Variants in C8orf34 observed in about 807,000 individuals in gnomAD.
C8orf34 encodes the protein uncharacterized protein C8orf34.
C8orf34 carries 65 observed loss-of-function variants against 68.3 expected under a neutral mutation model. That is an observed-to-expected ratio of 0.95 (90% confidence interval 0.78 to 1.17). C8orf34 has a LOEUF of 1.17. C8orf34 is among the 50% of genes most tolerant of loss of function. C8orf34 has a pLI of 0.00. For missense variants in C8orf34, 664 were observed against 655.4 expected, an observed-to-expected ratio of 1.01 and a Z score of -0.14; for synonymous variants, 244 against 241.2, an observed-to-expected ratio of 1.01 and a Z score of -0.11.
At chr8:68,490,697 A>T (rs1250125966) in intron 5 of C8orf34, among the ~76,000 whole-genome samples, 1 of 152,148 alleles carries the variant, frequency 6.6e-6, no homozygotes, top group Non-Finnish European at 1.5e-5. Context: ...ACTTAAAAAA[A>T]ATTTCAGTGA....
At chr8:68,381,319 A>G (rs1369691293) in intron 1 of C8orf34, among the ~76,000 whole-genome samples, 1 of 152,216 alleles carries the variant, frequency 6.6e-6, no homozygotes, top group Non-Finnish European at 1.5e-5. Context: ...AGATGCTTAC[A>G]TCTCATATAT....
intron 2 of C8orf34, among the ~76,000 whole-genome samples, chr8:68,442,388 A>C (rs1227385944): frequency 1.3e-5 from 2 of 152,156 alleles, no homozygotes; most frequent in Non-Finnish European, 2.9e-5. Context: ...TTACTCTAGC[A>C]GTTCCCAGAA....
At chr8:68,389,345 G>A (rs928154338) in intron 1 of C8orf34, among the ~76,000 whole-genome samples, 1 of 152,060 alleles carries the variant, frequency 6.6e-6, no homozygotes, top group African/African-American at 2.4e-5. Flanking sequence ...TTGCATAGTT[G>A]CCAAGAGTTA....
At chr8:68,787,271 G>C (rs1823870316) in intron 11 of C8orf34, among the ~76,000 whole-genome samples, 172 bp from the exon 12 acceptor site, 2 of 152,074 alleles carry the variant, frequency 1.3e-5, no homozygotes, top group Non-Finnish European at 2.9e-5. Context: ...AGAGTTTGTA[G>C]TATGTCTATG....
chr8:68,701,242 C>T (rs1821007739), intron 8 of C8orf34, among the ~76,000 whole-genome samples: 2 of 152,008 alleles, frequency 1.3e-5, no homozygotes, highest in Admixed American at 6.6e-5. Context: ...TTTCCACCTA[C>T]CTCTCTACAC....
intron 7 of C8orf34, among the ~76,000 whole-genome samples, chr8:68,586,406 T>C (rs1817211245): frequency 6.6e-6 from 1 of 152,198 alleles, no homozygotes; most frequent in Admixed American, 6.5e-5. Context: ...GATTTCATTA[T>C]TAGTATTATC....
intron 7 of C8orf34, among the ~76,000 whole-genome samples, chr8:68,604,778 T>C (rs750700764): frequency 1.3e-5 from 2 of 152,000 alleles, no homozygotes; most frequent in Non-Finnish European, 2.9e-5. Flanking sequence ...GTAGAAAATC[T>C]AGATCACCTC....
intron 10 of C8orf34, among the ~76,000 whole-genome samples, chr8:68,723,711 T>G (rs149107215): frequency 1.1e-3 from 160 of 152,274 alleles, no homozygotes; most frequent in African/African-American, 3.5e-3. Context: ...GGCCTAAACA[T>G]ATACCATTAG....
chr8:68,660,534 A>G (rs921210813), intron 8 of C8orf34, among the ~76,000 whole-genome samples: 2 of 152,164 alleles, frequency 1.3e-5, no homozygotes, highest in Non-Finnish European at 2.9e-5. Flanking sequence ...TGCCATGGAT[A>G]CTAGCATGAC....
intron 7 of C8orf34, among the ~76,000 whole-genome samples, chr8:68,629,459 C>T (rs1818627007): frequency 6.6e-6 from 1 of 152,162 alleles, no homozygotes; most frequent in African/African-American, 2.4e-5. Flanking sequence ...TGCTTCCTGC[C>T]ACATCTCCCT....
At chr8:68,432,041 G>A (rs780767851) in intron 1 of C8orf34, among the ~76,000 whole-genome samples, 6 of 152,024 alleles carry the variant, frequency 3.9e-5, no homozygotes, top group Non-Finnish European at 5.9e-5. Flanking sequence ...TTCAAATCAG[G>A]AATGCAAAAG....
intron 10 of C8orf34, among the ~76,000 whole-genome samples, chr8:68,762,521 C>T (rs760878583): frequency 7.9e-5 from 12 of 152,182 alleles, no homozygotes; most frequent in Non-Finnish European, 1.5e-4. Flanking sequence ...AAATTTCTGG[C>T]TTTTAGATTC....
intron 3 of C8orf34, among the ~76,000 whole-genome samples, chr8:68,461,892 A>G (rs1811849414): frequency 6.6e-6 from 1 of 152,190 alleles, no homozygotes; most frequent in Non-Finnish European, 1.5e-5. Context: ...ACTAACGAGC[A>G]AAATAACAGC....
intron 1 of C8orf34, among the ~76,000 whole-genome samples, chr8:68,399,183 TTA>T (rs1249187647): frequency 6.6e-6 from 1 of 152,064 alleles, no homozygotes; most frequent in East Asian, 1.9e-4. Flanking sequence ...TTCTATAAGT[TTA>T]TGGGGGTACA....
At chr8:68,672,804 C>T (rs547274159) in intron 8 of C8orf34, among the ~76,000 whole-genome samples, 1 of 152,280 alleles carries the variant, frequency 6.6e-6, no homozygotes, top group South Asian at 2.1e-4. Flanking sequence ...TAAAGGAGTG[C>T]TTGCACTATT....
chr8:68,686,292 A>G (rs1820516409), intron 8 of C8orf34, among the ~76,000 whole-genome samples: 1 of 152,120 alleles, frequency 6.6e-6, no homozygotes, highest in South Asian at 2.1e-4. Context: ...TGAGGCCACT[A>G]TCACCCTAAT....
intron 1 of C8orf34, among the ~76,000 whole-genome samples, chr8:68,413,765 C>G (rs1053008586): frequency 6.6e-6 from 1 of 152,248 alleles, no homozygotes; most frequent in African/African-American, 2.4e-5. Context: ...CTATAGTTCA[C>G]TAGTTTCTGA....
Position 68,415,724 on chromosome 8 carries a change from C to T in C8orf34, c.328-23775C>T, listed in dbSNP as rs76952191. 5.9e-3 allele frequency among the ~76,000 whole-genome samples: 901 copies of T among 152,274 alleles called. 34 individuals carry two copies. The East Asian group carries it at 0.11, about 18-fold the overall frequency. On this transcript the variant is annotated intron_variant, in intron 1 of 13. Transcript: ENST00000518698. The stretch of plus-strand genomic sequence containing the variant: ...CCACCTCTCTAGTTTGTACTTCACA[C>T]AGAGTGATGCTCAAATCCGAGACTT...
intron 8 of C8orf34, among the ~76,000 whole-genome samples, chr8:68,670,930 C>T (rs138332883): frequency 4.6e-5 from 7 of 152,120 alleles, no homozygotes; most frequent in Non-Finnish European, 1.0e-4. Context: ...TGATTTTTCT[C>T]CTCTTTTAGA....
Sources: gnomAD v4.1 joint callset for allele counts (sites outside exome capture counted in the v4.1 genomes callset) on GRCh38, gnomAD v4.1.1 for gene constraint, MANE v1.5 for transcripts, NCBI Gene and HGNC (gene_info 2026-07-23, HGNC 2026-07-21) for gene names.